Variants in NXPH2 observed in about 807,000 individuals in gnomAD.
The protein encoded by NXPH2 is neurexophilin-2.
NXPH2 carries 5 observed loss-of-function variants against 19.8 expected under a neutral mutation model. That is an observed-to-expected ratio of 0.25 (90% CI 0.13 to 0.53). The LOEUF (loss-of-function observed/expected upper bound fraction) is 0.53, where lower values mean the gene tolerates loss of function less well. Ranked by LOEUF, NXPH2 falls within the 20% of genes least tolerant of loss-of-function variation. The pLI, the probability that NXPH2 is intolerant of heterozygous loss-of-function variation, is 0.96. For missense variants in NXPH2, 289 were observed against 322.8 expected (o/e 0.90, Z 0.80); for synonymous variants, 154 against 127.4 (o/e 1.21, Z -1.41).
intron 1 of NXPH2, among the ~76,000 whole-genome samples, chr2:138,739,499 A>G (rs1681610568): frequency 6.6e-6 from 1 of 152,172 alleles, no homozygotes; most frequent in South Asian, 2.1e-4. Context: ...GAGGGTGTAG[A>G]ACAGGAGGAA....
At chr2:138,759,895 A>C (rs1398789868) in intron 1 of NXPH2, among the ~76,000 whole-genome samples, 1 of 151,804 alleles carries the variant, frequency 6.6e-6, no homozygotes, top group Non-Finnish European at 1.5e-5. Flanking sequence ...ACGCCCGGCT[A>C]ATTTTTTGTA....
At chr2:138,679,488 C>A (rs888450022) in intron 1 of NXPH2, among the ~76,000 whole-genome samples, 2 of 151,648 alleles carry the variant, frequency 1.3e-5, no homozygotes, top group Non-Finnish European at 2.9e-5. Context: ...GCAAGCTCCA[C>A]CTCCCGGGTT....
At chr2:138,729,214 A>G (rs1257499486) in intron 1 of NXPH2, among the ~76,000 whole-genome samples, 1 of 152,102 alleles carries the variant, frequency 6.6e-6, no homozygotes, top group Non-Finnish European at 1.5e-5. Flanking sequence ...CCCACATGTC[A>G]TAGGAGGGAC....
At chr2:138,673,488 G>A (rs768589603) in intron 1 of NXPH2, among the ~76,000 whole-genome samples, 16 of 151,920 alleles carry the variant, frequency 1.1e-4, no homozygotes, top group Non-Finnish European at 2.1e-4. Flanking sequence ...ACATCATCTC[G>A]AATATTTATC....
intron 1 of NXPH2, among the ~76,000 whole-genome samples, chr2:138,706,650 G>A (rs1446531192): frequency 1.3e-5 from 2 of 152,130 alleles, no homozygotes; most frequent in African/African-American, 2.4e-5. Context: ...CGTGGTTCAC[G>A]CCTGTAATCC....
In NXPH2 at chr2:138,670,984, C is replaced by G. The variant is rs1222108108; in HGVS notation, c.733G>C (p.Val245Leu). The change falls in exon 2 of 2, where the codon GTG (valine) becomes CTG (leucine). Residue 245 changes from valine (V) to leucine (L), a missense_variant. Physicochemically the swap from Val to Leu is conservative, Grantham distance 32. Transcript: ENST00000272641. ...TTGTAGTCAGGGCACACCTTTTGCA[C>G]GAGTTTATAATCAACACTGTAAAAG... ...IAFYSVDYKL[V>L]QKVCPDYNYH... 2 of 1,613,642 alleles carry G rather than the reference C, an allele frequency of 1.2e-6. No individual in the cohort carries two copies. Among genetic ancestry groups the G allele is most frequent in the East Asian group, 2.2e-5 (1 of 44,890 alleles).
chr2:138,702,770 G>GAAC (rs111726381), intron 1 of NXPH2, among the ~76,000 whole-genome samples: 17 of 152,074 alleles, frequency 1.1e-4, no homozygotes, highest in East Asian at 5.8e-4. Flanking sequence ...CAGGTGCTAA[G>GAAC]AACAACAACA....
At chr2:138,732,975 C>A (rs1374074727) in intron 1 of NXPH2, among the ~76,000 whole-genome samples, 1 of 152,196 alleles carries the variant, frequency 6.6e-6, no homozygotes, top group East Asian at 1.9e-4. Context: ...ATATTTCCCT[C>A]ATTTTCATGT....
At chr2:138,772,107 G>A (rs1036058751) in intron 1 of NXPH2, among the ~76,000 whole-genome samples, 1 of 152,058 alleles carries the variant, frequency 6.6e-6, no homozygotes, top group African/African-American at 2.4e-5. Flanking sequence ...AGCAGCCCGT[G>A]AACCCACACT....
rs1029131866 is a variant in NXPH2, at chr2:138,705,221, C to G, written c.52-33556G>C. On this transcript the variant is annotated intron_variant, in intron 1 of 1. Transcript: ENST00000272641. Reference sequence around the variant, plus strand: ...TCAAGCAATCTTCCCATCATGGCCTCTCAAAGTGTTGAGATTACAGGCATC... The same window carrying G: ...TCAAGCAATCTTCCCATCATGGCCTGTCAAAGTGTTGAGATTACAGGCATC... Among the ~76,000 whole-genome samples, 4 of 152,110 alleles carry G rather than the reference C, an allele frequency of 2.6e-5. No homozygotes were observed. In the East Asian group the frequency reaches 7.7e-4, roughly 29 times the overall value.
chr2:138,676,956 G>A (rs1443260430), intron 1 of NXPH2, among the ~76,000 whole-genome samples: 1 of 152,188 alleles, frequency 6.6e-6, no homozygotes, highest in Non-Finnish European at 1.5e-5. Context: ...CCAACAAAAT[G>A]TGTTTGTAGA....
intron 1 of NXPH2, among the ~76,000 whole-genome samples, chr2:138,683,632 G>A (rs1228315638): frequency 6.6e-6 from 1 of 152,160 alleles, no homozygotes; most frequent in Non-Finnish European, 1.5e-5. Context: ...GTGATGGTGA[G>A]TTTTATGTGT....
chr2:138,716,369 T>A (rs1681195360), intron 1 of NXPH2, among the ~76,000 whole-genome samples: 2 of 152,116 alleles, frequency 1.3e-5, no homozygotes, highest in African/African-American at 4.8e-5. Context: ...AGTGCTCTTA[T>A]AAAAAGAGAA....
chr2:138,767,454 AT>A (rs757396025), intron 1 of NXPH2, among the ~76,000 whole-genome samples: 5 of 151,860 alleles, frequency 3.3e-5, no homozygotes, highest in South Asian at 2.1e-4. Context: ...CCCAAATACC[AT>A]TTTTTTTATT....
At chr2:138,672,477 T>C (rs971054209) in intron 1 of NXPH2, among the ~76,000 whole-genome samples, 1 of 152,226 alleles carries the variant, frequency 6.6e-6, no homozygotes, top group Non-Finnish European at 1.5e-5. Context: ...TTGATTTTTC[T>C]TTTTATTCTT....
In NXPH2 at chr2:138,674,190, A is replaced by C. The variant is rs764639116; in HGVS notation, c.52-2525T>G. On this transcript the variant is annotated intron_variant, in intron 1 of 1. Transcript: ENST00000272641. Reference sequence around the variant, plus strand: ...TTTTTTTTTAATACAGTCTTGTTCTATCACCCAGGCTGGAGTGGAGTGGTG... The same window carrying C: ...TTTTTTTTTAATACAGTCTTGTTCTCTCACCCAGGCTGGAGTGGAGTGGTG... Among the ~76,000 whole-genome samples the C allele has an allele frequency of 8.6e-5, 13 of 151,212 alleles. 1 individual carries two copies. The highest frequency in any genetic ancestry group is 1.8e-4 in the Non-Finnish European group (12 of 67,796).
chr2:138,723,792 G>T (rs1681315662), intron 1 of NXPH2, among the ~76,000 whole-genome samples: 1 of 152,160 alleles, frequency 6.6e-6, no homozygotes, highest in Admixed American at 6.5e-5. Context: ...ACAGCAGGGT[G>T]CAGCTGAGCT....
intron 1 of NXPH2, among the ~76,000 whole-genome samples, chr2:138,756,286 G>A (rs1244875087): frequency 3.3e-5 from 5 of 151,892 alleles, no homozygotes; most frequent in African/African-American, 1.2e-4. Flanking sequence ...ATCTTTCACT[G>A]TTAGGCCAAG....
intron 1 of NXPH2, among the ~76,000 whole-genome samples, chr2:138,685,919 T>A (rs1680644206): frequency 6.6e-6 from 1 of 152,182 alleles, no homozygotes; most frequent in African/African-American, 2.4e-5. Context: ...TTGACTTGGT[T>A]CTTCCTCTTG....
Sources: gnomAD v4.1 joint callset for allele counts (sites outside exome capture counted in the v4.1 genomes callset) on GRCh38, gnomAD v4.1.1 for gene constraint, MANE v1.5 for transcripts, NCBI Gene and HGNC (gene_info 2026-07-23, HGNC 2026-07-21) for gene names.